The following AGAP3 variants were observed in gnomAD, a reference collection of about 807,000 sequenced individuals.
The protein encoded by AGAP3 is arf-GAP with GTPase, ANK repeat and PH domain-containing protein 3.
Under a neutral mutation model 96.9 loss-of-function variants are expected in AGAP3, and 24 were observed. The ratio of observed to expected loss-of-function variants is 0.25; its 90% confidence interval spans 0.18 to 0.35. The LOEUF (loss-of-function observed/expected upper bound fraction) is 0.35, where lower values mean the gene tolerates loss of function less well. AGAP3 is among the 10% of genes least tolerant of loss of function. AGAP3 has a pLI of 1.00. For synonymous variants in AGAP3, 563 were observed against 536.1 expected, an observed-to-expected ratio of 1.05 and a Z score of -0.69; for missense variants, 876 against 1,254.2, an observed-to-expected ratio of 0.70 and a Z score of 4.55.
rs1585076876 is a variant in AGAP3, at chr7:151,118,496, C to T, written c.842-9C>T. 6.2e-7 allele frequency: 1 copy of T among 1,614,134 alleles called. No homozygotes were observed. Among genetic ancestry groups the T allele is most frequent in the East Asian group, 2.2e-5 (1 of 44,878 alleles). On this transcript the variant is annotated splice_polypyrimidine_tract_variant and intron_variant, in intron 6 of 17. Transcript: ENST00000397238. This position sits in a 1 kb window ranked among gnomAD's most constrained non-coding sequence, Gnocchi z 6.1. Reference sequence around the variant, plus strand: ...CAGTGGGTATAATTGACTCTGCTGTCCCCTGCAGTGGCCCAGAAGGTAGTG... The same window carrying T: ...CAGTGGGTATAATTGACTCTGCTGTTCCCTGCAGTGGCCCAGAAGGTAGTG...
At chr7:151,093,484 G>A (rs1255906005) in intron 1 of AGAP3, among the ~76,000 whole-genome samples, 1 of 152,184 alleles carries the variant, frequency 6.6e-6, no homozygotes, top group Non-Finnish European at 1.5e-5. Flanking sequence ...TGTGTTTAAG[G>A]GATGAAAGTA....
At position 151,134,487 on chromosome 7, in the gene AGAP3, C is replaced by T. The variant is rs1403379648; in HGVS notation, c.1414C>T (p.Pro472Ser). Residue 472 changes from proline to serine, a missense_variant, in exon 11 of 18, where the codon CCT becomes TCT. By Grantham distance (74) the Pro-to-Ser change is moderately conservative. Transcript: ENST00000397238. ...AGGGAAGCGCCTGCCCCGAGCCACA[C>T]CTGCCACAGCCCCGGGCACCAGCCC... ...VPGKRLPRATPATAPGTSPRA... is the reference protein window; with the variant it reads ...VPGKRLPRATSATAPGTSPRA... 2.5e-6 allele frequency: 4 copies of T among 1,613,324 alleles called. No homozygotes were observed. The highest frequency in any genetic ancestry group is 1.1e-5 in the South Asian group (1 of 91,080).
rs527432096 is a variant in AGAP3 at position 151,108,863 on chromosome 7, C to G, written c.332-7930C>G. Among the ~76,000 whole-genome samples, 9 of 152,282 alleles carry G rather than the reference C, an allele frequency of 5.9e-5. No homozygotes were observed. Among genetic ancestry groups the G allele is most frequent in the African/African-American group, 2.2e-4 (9 of 41,582 alleles). On this transcript the variant is annotated intron_variant, in intron 1 of 17. Coordinates refer to ENST00000397238, the MANE Select transcript of AGAP3 (RefSeq NM_031946.7). This position sits in a 1 kb window ranked among gnomAD's most constrained non-coding sequence, Gnocchi z 4.2. The stretch of plus-strand genomic sequence containing the variant: ...CTCATCTCTAAAAGGAGAGGATGAA[C>G]CAGAACACGAGTTCTGAACCTGGAA...
intron 1 of AGAP3, chr7:151,090,363 T>G (rs10227172): frequency 0.41 from 59,561 of 146,388 alleles, 13,562 homozygotes; most frequent in African/African-American, 0.59. Context: ...GGTTTCTCCA[T>G]CGTTTTCCCA....
intron 9 of AGAP3, 69 bp downstream of exon 9, chr7:151,123,955 C>T: frequency 2.0e-6 from 3 of 1,495,502 alleles, no homozygotes; most frequent in East Asian, 2.3e-5. Flanking sequence ...CTTCCCAGGG[C>T]CTCTTCTCAG....
chr7:151,106,444 C>T (rs1585053567), intron 1 of AGAP3, among the ~76,000 whole-genome samples: 1 of 152,128 alleles, frequency 6.6e-6, no homozygotes, highest in East Asian at 1.9e-4. Flanking sequence ...GTGATCCTCT[C>T]ACCTTAGGAC....
chr7:151,120,727 C>G, intron 8 of AGAP3: 1 of 1,211,976 alleles, frequency 8.3e-7, no homozygotes, highest in Non-Finnish European at 1.1e-6. Context: ...CACCACGCTG[C>G]CTCGTTCCTC....
chr7:151,118,260 A>C lies in AGAP3; in HGVS notation c.757A>C (p.Lys253Gln), dbSNP rs2150473027. ...GGTTATCGACGACAGCAGAGCCCGC[A>C]AGCTCTCCACAGATCTGAAGCGGTG... ...PRVIDDSRAR[K>Q]LSTDLKRCTY... The change falls in exon 6 of 18, where the codon AAG becomes CAG. Residue 253 changes from lysine (K) to glutamine (Q), a missense_variant. Lys to Gln is a moderately conservative substitution (Grantham distance 53). Coordinates refer to ENST00000397238, the MANE Select transcript of AGAP3 (RefSeq NM_031946.7). This position sits in a 1 kb window ranked among gnomAD's most constrained non-coding sequence, Gnocchi z 6.1. 6.2e-7 allele frequency: 1 copy of C among 1,613,104 alleles called. No individual in the cohort carries two copies. Among genetic ancestry groups the C allele is most frequent in the Non-Finnish European group, 8.5e-7 (1 of 1,179,168 alleles).
chr7:151,134,062 C>T (rs1800498461), intron 10 of AGAP3, among the ~76,000 whole-genome samples: 1 of 152,160 alleles, frequency 6.6e-6, no homozygotes, highest in African/African-American at 2.4e-5. Flanking sequence ...AGGGGCTCTC[C>T]CTAAATCCCA....
At chr7:151,109,186 AAC>A (rs1799181853) in intron 1 of AGAP3, among the ~76,000 whole-genome samples, 2 of 145,274 alleles carry the variant, frequency 1.4e-5, no homozygotes, top group South Asian at 2.1e-4. Flanking sequence ...AAAAACAAAA[AAC>A]AAAAAACAAA....
chr7:151,087,509 C>T (rs1798209441), intron 1 of AGAP3, among the ~76,000 whole-genome samples: 1 of 152,108 alleles, frequency 6.6e-6, no homozygotes, highest in African/African-American at 2.4e-5. Flanking sequence ...GCCCAGCGCC[C>T]GCAGGCCCGG....
In AGAP3 at chr7:151,142,062, G is replaced by C. The variant is rs1800834227; in HGVS notation, c.1959+10G>C. On this transcript the variant is annotated intron_variant, in intron 14 of 17. Coordinates refer to ENST00000397238, the MANE Select transcript of AGAP3 (RefSeq NM_031946.7). This position sits in a 1 kb window ranked among gnomAD's most constrained non-coding sequence, Gnocchi z 7.5. ...CAGTGCCAAGGACAAGGTGGGTACA[G>C]AGTGACTGGGCCCACACAGAGCACC... The C allele has an allele frequency of 6.2e-7, 1 of 1,611,496 alleles. No individual in the cohort carries two copies.
At chr7:151,103,068 C>A (rs115747280) in intron 1 of AGAP3, among the ~76,000 whole-genome samples, 1 of 152,250 alleles carries the variant, frequency 6.6e-6, no homozygotes, top group South Asian at 2.1e-4. Flanking sequence ...AAAACACACA[C>A]AAGAAAGAAT....
intron 10 of AGAP3, among the ~76,000 whole-genome samples, chr7:151,132,872 A>G (rs1800452591): frequency 6.6e-6 from 1 of 152,094 alleles, no homozygotes; most frequent in African/African-American, 2.4e-5. Flanking sequence ...CTGCCCTTCC[A>G]CTGCTTCCCA....
chr7:151,087,175 T>G (rs563462789), intron 1 of AGAP3, 103 bp downstream of exon 1: 31,104 of 1,302,710 alleles, frequency 0.024, 487 homozygotes, highest in Non-Finnish European at 0.03. Context: ...CTGTCGGGGG[T>G]CCTTGCGCGC....
Position 151,114,696 on chromosome 7 carries a change from C to CCGGCCG in AGAP3, c.332-2091_332-2086dup, listed in dbSNP as rs1209715168. 47 of 994,764 alleles carry CCGGCCG rather than the reference C, an allele frequency of 4.7e-5. No individual in the cohort carries two copies. Among genetic ancestry groups the CCGGCCG allele is most frequent in the Non-Finnish European group, 5.4e-5 (45 of 836,634 alleles). The allele number at this position is 994,764 out of a possible 1,614,324, so 61.6% of individuals were successfully genotyped here. A position where few individuals can be genotyped will look rare whatever the true frequency, so the allele number is the denominator to read the frequency against. Reference sequence around the variant, plus strand: ...CCCAGAGGCCGGAGGTCCGTGCGCCCCGGCCGCGGCCCCGGCCCGGGCCCA... The same window carrying CCGGCCG: ...CCCAGAGGCCGGAGGTCCGTGCGCCCCGGCCGCGGCCGCGGCCCCGGCCCGGGCCCA... On this transcript the variant is annotated intron_variant, in intron 1 of 17. Coordinates refer to ENST00000397238, the MANE Select transcript of AGAP3 (RefSeq NM_031946.7). This position sits in a 1 kb window ranked among gnomAD's most constrained non-coding sequence, Gnocchi z 4.4.
At chr7:151,087,731 C>G (rs1798217741) in intron 1 of AGAP3, among the ~76,000 whole-genome samples, 1 of 152,372 alleles carries the variant, frequency 6.6e-6, no homozygotes, top group South Asian at 2.1e-4. Context: ...CGGGTGCTGA[C>G]CGACCGCCAG....
intron 1 of AGAP3, among the ~76,000 whole-genome samples, chr7:151,109,155 C>T (rs1177563621): frequency 2.1e-5 from 3 of 141,784 alleles, no homozygotes; most frequent in African/African-American, 7.9e-5. Flanking sequence ...TAGTGAGACT[C>T]CCACCTCTGT....
At position 151,114,914 on chromosome 7, in the gene AGAP3, C is replaced by A. The variant is rs1238694358; in HGVS notation, c.332-1879C>A. 1.0e-6 allele frequency: 1 copy of A among 991,542 alleles called. No individual in the cohort carries two copies. Among genetic ancestry groups the A allele is most frequent in the Non-Finnish European group, 1.2e-6 (1 of 836,496 alleles). 61.4% of individuals were successfully genotyped at this position (991,542 alleles called of 1,614,324 possible). A position where few individuals can be genotyped will look rare whatever the true frequency, so the allele number is the denominator to read the frequency against. On this transcript the variant is annotated intron_variant, in intron 1 of 17. Transcript: ENST00000397238. This position sits in a 1 kb window ranked among gnomAD's most constrained non-coding sequence, Gnocchi z 4.4. ...CCGCCGCCCTGCAGGCCGCCCTCTG[C>A]GCCGCCAGTGAGCAGCCGGCGCGGC...
Sources: gnomAD v4.1 joint callset for allele counts (sites outside exome capture counted in the v4.1 genomes callset) on GRCh38, gnomAD v4.1.1 for gene constraint, Gnocchi (gnomAD v3.1) non-coding constraint, MANE v1.5 for transcripts, NCBI Gene and HGNC (gene_info 2026-07-23, HGNC 2026-07-21) for gene names.